The following RGS5 variants were observed in gnomAD, a reference collection of about 807,000 sequenced individuals.
RGS5 encodes regulator of G-protein signalling 5.
A neutral mutation model predicts 18.9 loss-of-function variants in RGS5; 20 were observed. The ratio of observed to expected loss-of-function variants is 1.06; its 90% CI spans 0.74 to 1.54. The LOEUF (loss-of-function observed/expected upper bound fraction) is 1.54, where lower values mean the gene tolerates loss of function less well. Ranked by LOEUF, RGS5 falls within the 40% of genes most tolerant of loss-of-function variation. RGS5 has a pLI of 0.00. For synonymous variants in RGS5, 57 were observed against 76.2 expected (o/e 0.75, Z 1.31); for missense variants, 201 against 211.8 (o/e 0.95, Z 0.32).
intron 2 of RGS5, among the ~76,000 whole-genome samples, chr1:163,289,337 C>T (rs1380288244): frequency 6.6e-6 from 1 of 151,904 alleles, no homozygotes; most frequent in Non-Finnish European, 1.5e-5. Flanking sequence ...ACTCATGTGC[C>T]ACCTCCTCCA....
chr1:163,180,684 C>CTTTTTTTTTTT (rs1429373041), intron 1 of RGS5, among the ~76,000 whole-genome samples: 7 of 81,896 alleles, frequency 8.5e-5, no homozygotes, highest in African/African-American at 1.4e-4. Flanking sequence ...AGCCCTTACC[C>CTTTTTTTTTTT]TGTTTTTTTT....
intron 2 of RGS5, among the ~76,000 whole-genome samples, chr1:163,242,606 T>G (rs1647819418): frequency 6.6e-6 from 1 of 152,208 alleles, no homozygotes; most frequent in Non-Finnish European, 1.5e-5. Flanking sequence ...TTAGGACAAG[T>G]ATTGAATGTC....
intron 2 of RGS5, among the ~76,000 whole-genome samples, chr1:163,286,736 A>G (rs982297743): frequency 1.4e-4 from 21 of 152,054 alleles, no homozygotes. Flanking sequence ...TGCCAGCTCA[A>G]TACTCATTGT....
intron 2 of RGS5, among the ~76,000 whole-genome samples, chr1:163,305,739 C>A (rs1649679514): frequency 1.3e-5 from 2 of 152,174 alleles, no homozygotes; most frequent in Non-Finnish European, 2.9e-5. Flanking sequence ...CAGAAAGGAA[C>A]AAGAAGAAAG....
At chr1:163,150,654 A>G (rs1197347100) in intron 4 of RGS5, among the ~76,000 whole-genome samples, 1 of 152,170 alleles carries the variant, frequency 6.6e-6, no homozygotes, top group Non-Finnish European at 1.5e-5. Context: ...CAAGATTAAT[A>G]TCCACATCAA....
intron 1 of RGS5, among the ~76,000 whole-genome samples, chr1:163,168,824 T>C (rs1026692258): frequency 3.3e-5 from 5 of 152,150 alleles, no homozygotes; most frequent in African/African-American, 1.2e-4. Flanking sequence ...TGGTCTTCAC[T>C]ATTGTTAGAT....
rs368180334 is a variant in RGS5, at chr1:163,170,285, T to A, written c.45-1917A>T. ...ATGGTAGGAATTTAGTCTTAAATAC[T>A]TTTTAACCCCTGTGCCTAGCACAAT... On this transcript the variant is annotated intron_variant, in intron 1 of 4. Coordinates refer to ENST00000313961, the MANE Select transcript of RGS5 (RefSeq NM_003617.4). Among the ~76,000 whole-genome samples, 11 of 152,360 alleles carry A rather than the reference T, an allele frequency of 7.2e-5. No homozygotes were observed. The South Asian group carries it at 2.3e-3, about 32-fold the overall frequency.
upstream of RGS5, among the ~76,000 whole-genome samples, chr1:163,204,132 TG>T (rs1412896208): frequency 2.6e-4 from 40 of 152,310 alleles, no homozygotes; most frequent in Non-Finnish European, 4.1e-4. Flanking sequence ...TATGACCTGA[TG>T]TTTTTAATGT....
intron 2 of RGS5, chr1:163,237,753 C>A: frequency 6.6e-6 from 1 of 152,488 alleles, no homozygotes. Flanking sequence ...GGAGTAAAGC[C>A]TGGAAACGTA....
chr1:163,257,048 T>C (rs1433912355), intron 2 of RGS5, among the ~76,000 whole-genome samples: 2 of 152,200 alleles, frequency 1.3e-5, no homozygotes, highest in Admixed American at 1.3e-4. Context: ...TTTGAGGTTT[T>C]ATTATGGGCC....
chr1:163,268,460 C>G (rs1009205969), intron 2 of RGS5, among the ~76,000 whole-genome samples: 1 of 152,094 alleles, frequency 6.6e-6, no homozygotes, highest in African/African-American at 2.4e-5. Flanking sequence ...GCATTTAAGG[C>G]CTTGATCCTG....
chr1:163,275,580 T>C (rs1263333600), intron 2 of RGS5, among the ~76,000 whole-genome samples: 1 of 152,194 alleles, frequency 6.6e-6, no homozygotes, highest in Non-Finnish European at 1.5e-5. Flanking sequence ...GATATAGTAA[T>C]TTTCAAGAAT....
intron 2 of RGS5, among the ~76,000 whole-genome samples, chr1:163,271,950 T>C (rs1648729482): frequency 6.6e-6 from 1 of 152,130 alleles, no homozygotes; most frequent in African/African-American, 2.4e-5. Context: ...TCCTCAACAA[T>C]GCTTTGTATT....
chr1:163,301,132 A>G (rs1470342344), intron 2 of RGS5, among the ~76,000 whole-genome samples: 1 of 152,114 alleles, frequency 6.6e-6, no homozygotes, highest in Non-Finnish European at 1.5e-5. Flanking sequence ...ATCTATAAAC[A>G]CATAATTTCA....
At chr1:163,235,229 G>T (rs557574682) in intron 2 of RGS5, among the ~76,000 whole-genome samples, 11 of 152,136 alleles carry the variant, frequency 7.2e-5, no homozygotes, top group Non-Finnish European at 1.5e-4. Context: ...ATATAAATCC[G>T]GTCCAGATAC....
chr1:163,266,250 TCA>T (rs1648569957), intron 2 of RGS5, among the ~76,000 whole-genome samples: 1 of 152,146 alleles, frequency 6.6e-6, no homozygotes, highest in African/African-American at 2.4e-5. Flanking sequence ...TCACATTCAC[TCA>T]TTCATCAAAT....
In RGS5 at chr1:163,160,069, C is replaced by T. The variant is rs190090824; in HGVS notation, c.217+1846G>A. 3.3e-5 allele frequency among the ~76,000 whole-genome samples: 5 copies of T among 152,294 alleles called. No homozygotes were observed. In the East Asian group the frequency reaches 9.6e-4, roughly 29 times the overall value. On this transcript the variant is annotated intron_variant, in intron 3 of 4. Coordinates refer to ENST00000313961, the MANE Select transcript of RGS5 (RefSeq NM_003617.4). The stretch of plus-strand genomic sequence containing the variant: ...CACTAACTGCCTCTAGCTTAACTCT[C>T]TTTAACTCTATCTAACCCTAGCTTT...
At chr1:163,273,556 C>T (rs1057411782) in intron 2 of RGS5, among the ~76,000 whole-genome samples, 4 of 151,960 alleles carry the variant, frequency 2.6e-5, no homozygotes, top group African/African-American at 9.7e-5. Flanking sequence ...TCTATTCATT[C>T]GATCATTGGG....
At chr1:163,320,226 C>G (rs1650151624) in intron 1 of RGS5, among the ~76,000 whole-genome samples, 1 of 152,068 alleles carries the variant, frequency 6.6e-6, no homozygotes. Flanking sequence ...TGAGCACTTG[C>G]CACTTGCAAG....
Sources: gnomAD v4.1 joint callset for allele counts (sites outside exome capture counted in the v4.1 genomes callset) on GRCh38, gnomAD v4.1.1 for gene constraint, MANE v1.5 for transcripts, NCBI Gene and HGNC (gene_info 2026-07-23, HGNC 2026-07-21) for gene names.